Variants in ZNF519 observed in about 807,000 individuals in gnomAD.
ZNF519 encodes the protein zinc finger protein 519, also known as similar to Zinc finger protein 85 (Zinc finger protein HPF4) (HTF1).
Under a neutral mutation model 7.4 loss-of-function variants are expected in ZNF519, and 7 were observed. The ratio of observed to expected loss-of-function variants is 0.94; its 90% CI spans 0.54 to 1.77. ZNF519 has a LOEUF of 1.77. ZNF519 is among the 40% of genes most tolerant of loss of function. The pLI, the probability that ZNF519 is intolerant of heterozygous loss-of-function variation, is 0.00. For missense variants in ZNF519, 586 were observed against 623.1 expected, an observed-to-expected ratio of 0.94 and a Z score of 0.63; for synonymous variants, 179 against 203.3, an observed-to-expected ratio of 0.88 and a Z score of 1.02.
chr18:14,081,083 G>T (rs1180053089), intron 3 of ZNF519, among the ~76,000 whole-genome samples: 1 of 152,158 alleles, frequency 6.6e-6, no homozygotes. Flanking sequence ...TATAATAGTA[G>T]ATACATGTCA....
At chr18:14,090,167 T>C (rs1249958085) in intron 2 of ZNF519, 1 of 152,208 alleles carries the variant, frequency 6.6e-6, no homozygotes, top group African/African-American at 2.4e-5. Flanking sequence ...AAACTGACTT[T>C]ACATAAGGCA....
intron 1 of ZNF519, among the ~76,000 whole-genome samples, chr18:14,127,584 T>C (rs960666037): frequency 6.6e-6 from 1 of 152,124 alleles, no homozygotes; most frequent in Non-Finnish European, 1.5e-5. Flanking sequence ...TGGTGGCCCA[T>C]GTGTGGGCAT....
rs553464818 is a variant in ZNF519 at position 14,102,969 on chromosome 18, A to G, written c.*1948T>C. ...ATTAAAAGATTATATGGAAAGTAAT[A>G]AGAAAGCAGTAAAGGAAGAATAAAG... On this transcript the variant is annotated 3_prime_UTR_variant, in exon 3 of 3. Coordinates refer to ENST00000590202, the MANE Select transcript of ZNF519 (RefSeq NM_145287.4). 1 of 152,174 alleles carries G rather than the reference A, an allele frequency of 6.6e-6. No individual in the cohort carries two copies. Among genetic ancestry groups the G allele is most frequent in the African/African-American group, 2.4e-5 (1 of 41,570 alleles). The allele number at this position is 152,174 out of a possible 1,614,324, so 9.4% of individuals were successfully genotyped here. A position where few individuals can be genotyped will look rare whatever the true frequency, so the allele number is the denominator to read the frequency against.
chr18:14,087,704 T>C (rs758390847), intron 2 of ZNF519, among the ~76,000 whole-genome samples: 12 of 152,360 alleles, frequency 7.9e-5, no homozygotes, highest in Non-Finnish European at 1.5e-4. Flanking sequence ...TTGTGTTGGA[T>C]GTTTAAATCG....
chr18:14,105,415 A>T lies in ZNF519; in HGVS notation c.1125T>A (p.Pro375=). The change falls in exon 3 of 3, where the codon CCT becomes CCA. Residue 375 remains proline, a synonymous_variant. Transcript: ENST00000590202. ...QHQRIHTGEK[P]FRCKECGKAF... is the part of the protein sequence containing the mutation. ...CTTTGCCACATTCCTTACATCTGAA[A>T]GGTTTCTCTCCGGTATGGATTCTCT... The T allele has an allele frequency of 6.2e-7, 1 of 1,613,318 alleles. No homozygotes were observed. The highest frequency in any genetic ancestry group is 1.3e-5 in the African/African-American group (1 of 74,736).
downstream of ZNF519, chr18:14,071,990 G>A (rs1940814): frequency 0.77 from 116,417 of 152,136 alleles, 44,758 homozygotes; most frequent in East Asian, 0.96. Flanking sequence ...CACTGTGTTT[G>A]CAGCACAGTG....
chr18:14,132,186 C>G (rs1385749806), intron 1 of ZNF519, 89 bp downstream of exon 1: 1 of 1,508,724 alleles, frequency 6.6e-7, no homozygotes, highest in African/African-American at 1.4e-5. Context: ...GCAGACTCGA[C>G]TCGCAGACTA....
chr18:14,117,747 T>G (rs1421687865), intron 2 of ZNF519, among the ~76,000 whole-genome samples: 1 of 152,136 alleles, frequency 6.6e-6, no homozygotes. Context: ...TCATCTCACA[T>G]GGTGGGAGCA....
chr18:14,109,799 A>G (rs1170981050), intron 2 of ZNF519, among the ~76,000 whole-genome samples: 1 of 152,158 alleles, frequency 6.6e-6, no homozygotes, highest in East Asian at 1.9e-4. Flanking sequence ...TGAAAATACC[A>G]TCAGTATTCT....
At chr18:14,118,741 A>T (rs2046257245) in intron 2 of ZNF519, among the ~76,000 whole-genome samples, 1 of 152,132 alleles carries the variant, frequency 6.6e-6, no homozygotes, top group Non-Finnish European at 1.5e-5. Context: ...ATAGTTCAGA[A>T]ATAGTCCTCC....
chr18:14,128,658 C>T (rs1289705632), intron 1 of ZNF519, among the ~76,000 whole-genome samples: 3 of 147,650 alleles, frequency 2.0e-5, no homozygotes, highest in African/African-American at 5.0e-5. Context: ...AGCAATAGTT[C>T]CCAGGTCCTA....
At chr18:14,110,837 T>C (rs1255544681) in intron 2 of ZNF519, among the ~76,000 whole-genome samples, 2 of 152,158 alleles carry the variant, frequency 1.3e-5, no homozygotes, top group African/African-American at 4.8e-5. Context: ...TGAGAGCTAA[T>C]CTACGAGGAT....
At chr18:14,094,451 TC>T in intron 2 of ZNF519, among the ~76,000 whole-genome samples, 2 of 152,334 alleles carry the variant, frequency 1.3e-5, no homozygotes, top group Middle Eastern at 3.4e-3. Context: ...AAGGTGTTTT[TC>T]TTCTACACCT....
At chr18:14,118,204 G>T (rs1276384049) in intron 2 of ZNF519, among the ~76,000 whole-genome samples, 2 of 151,962 alleles carry the variant, frequency 1.3e-5, no homozygotes, top group Admixed American at 1.3e-4. Flanking sequence ...GACTACAGGT[G>T]CCCGCCACCA....
intron 3 of ZNF519, among the ~76,000 whole-genome samples, chr18:14,083,730 G>C (rs1453103215): frequency 1.3e-5 from 2 of 152,074 alleles, no homozygotes; most frequent in African/African-American, 4.8e-5. Flanking sequence ...TAGTACTTTT[G>C]GGCCAGAATC....
rs753556000 is a variant in ZNF519, at chr18:14,101,395, T to G, written c.*3522A>C. The stretch of plus-strand genomic sequence containing the variant: ...TGAGCCCTAGCAAATGCAAAAACAC[T>G]CATGGTCATAACATGAAGTGAAAGT... On this transcript the variant is annotated 3_prime_UTR_variant, in exon 3 of 3. Transcript: ENST00000590202. 192 of 292,966 alleles carry G rather than the reference T, an allele frequency of 6.6e-4. No individual in the cohort carries two copies. The highest frequency in any genetic ancestry group is 8.1e-4 in the Non-Finnish European group (129 of 160,050). 18.1% of individuals were successfully genotyped at this position (292,966 alleles called of 1,614,324 possible).
In ZNF519 at chr18:14,104,736, G is replaced by A. The variant is rs1246472830; in HGVS notation, c.*181C>T. The A allele has an allele frequency of 1.5e-5, 8 of 516,888 alleles. No individual in the cohort carries two copies. In the Admixed American group the frequency reaches 2.2e-4, roughly 14 times the overall value. 32.0% of individuals were successfully genotyped at this position (516,888 alleles called of 1,614,324 possible). A position where few individuals can be genotyped will look rare whatever the true frequency, so the allele number is the denominator to read the frequency against. ...AACACACTGATTCAGAGTAATTTAC[G>A]GAAGTGCTAGCACCTTAGTTCTTTC... On this transcript the variant is annotated 3_prime_UTR_variant, in exon 3 of 3. Coordinates refer to ENST00000590202, the MANE Select transcript of ZNF519 (RefSeq NM_145287.4).
intron 2 of ZNF519, among the ~76,000 whole-genome samples, chr18:14,110,917 T>C (rs8087327): frequency 0.2 from 31,136 of 151,896 alleles, 3,951 homozygotes; most frequent in East Asian, 0.67. Context: ...GGGTGAGGGA[T>C]AAAAGCTACA....
intron 3 of ZNF519, among the ~76,000 whole-genome samples, chr18:14,081,301 A>T (rs1019890899): frequency 1.3e-5 from 2 of 151,936 alleles, no homozygotes; most frequent in African/African-American, 2.4e-5. Context: ...TCTATAAATT[A>T]AAAAAAATGG....
Sources: allele counts gnomAD v4.1 joint callset (sites outside exome capture counted in the v4.1 genomes callset), GRCh38; gene constraint gnomAD v4.1.1; transcripts MANE v1.5; gene names NCBI Gene and HGNC (gene_info 2026-07-23, HGNC 2026-07-21).